DSCAM: variants seen among roughly 807,000 people sequenced by gnomAD.
DSCAM encodes the protein cell adhesion molecule DSCAM.
DSCAM carries 47 observed loss-of-function variants against 217.7 expected under a neutral mutation model. That is an observed-to-expected ratio of 0.22 (90% CI 0.17 to 0.28). The LOEUF is 0.28. Among genes scored for constraint, DSCAM ranks in the 10% least tolerant of loss-of-function variants. DSCAM has a pLI of 1.00. For missense variants in DSCAM, 2,080 were observed against 2,618.3 expected (o/e 0.79, Z 4.49); for synonymous variants, 1,056 against 1,015.3 (o/e 1.04, Z -0.76).
chr21:40,687,320 AT>A (rs2090490301), intron 3 of DSCAM, among the ~76,000 whole-genome samples: 1 of 152,138 alleles, frequency 6.6e-6, no homozygotes, highest in African/African-American at 2.4e-5. Context: ...ATTTCACATT[AT>A]TTTAATGTTT....
chr21:40,298,084 C>CTTTTT (rs59908038), intron 9 of DSCAM, among the ~76,000 whole-genome samples: 10,707 of 132,384 alleles, frequency 0.081, 771 homozygotes, highest in East Asian at 0.32. Flanking sequence ...TTAGCTTTTA[C>CTTTTT]TTTTTTTTTT....
intron 3 of DSCAM, among the ~76,000 whole-genome samples, chr21:40,372,673 T>G (rs533550516): frequency 6.6e-6 from 1 of 152,352 alleles, no homozygotes; most frequent in South Asian, 2.1e-4. Context: ...TGCTTCCTCC[T>G]TTACTATCCA....
chr21:40,107,024 G>A (rs540571865), intron 20 of DSCAM, among the ~76,000 whole-genome samples: 3 of 151,786 alleles, frequency 2.0e-5, no homozygotes, highest in African/African-American at 7.2e-5. Flanking sequence ...TTTGGGATTT[G>A]TTTGTTCTTG....
At position 40,671,969 on chromosome 21, in the gene DSCAM, TC is replaced by T. The variant is rs577721026; in HGVS notation, c.508+20840del. Among the ~76,000 whole-genome samples, 5 of 152,210 alleles carry T rather than the reference TC, an allele frequency of 3.3e-5. No individual in the cohort carries two copies. The East Asian group carries it at 9.7e-4, about 29-fold the overall frequency. On this transcript the variant is annotated intron_variant, in intron 3 of 32. Transcript: ENST00000400454. Reference sequence around the variant, plus strand: ...ATTTTCACAGTTCTGGAGGCCAGAGTCCGAAATCAAGTTTCCAGCCACTGTG... The same window carrying T: ...ATTTTCACAGTTCTGGAGGCCAGAGTCGAAATCAAGTTTCCAGCCACTGTG...
intron 3 of DSCAM, among the ~76,000 whole-genome samples, chr21:40,669,818 G>A (rs931448040): frequency 1.3e-5 from 2 of 151,922 alleles, no homozygotes; most frequent in South Asian, 2.1e-4. Context: ...TAATCTGCCC[G>A]CCTAGGCCTC....
intron 3 of DSCAM, among the ~76,000 whole-genome samples, chr21:40,690,138 A>C (rs2146445169): frequency 6.6e-6 from 1 of 152,322 alleles, no homozygotes; most frequent in South Asian, 2.1e-4. Flanking sequence ...TTTATTTATT[A>C]AGATCTCCAA....
Position 40,562,195 on chromosome 21 carries a change from G to T in DSCAM, c.508+130615C>A, listed in dbSNP as rs2076725623. ...CAGGTGTTGAGGGATAGAGCTGGTG[G>T]GAGGTGACTGGATCAATGCAGTAGT... On this transcript the variant is annotated intron_variant, in intron 3 of 32. Coordinates refer to ENST00000400454, the MANE Select transcript of DSCAM (RefSeq NM_001389.5). Among the ~76,000 whole-genome samples, 7 of 152,112 alleles carry T rather than the reference G, an allele frequency of 4.6e-5. No homozygotes were observed. In the South Asian group the frequency reaches 1.5e-3, roughly 32 times the overall value.
intron 20 of DSCAM, among the ~76,000 whole-genome samples, chr21:40,099,697 C>T (rs1303110651): frequency 6.6e-6 from 1 of 152,202 alleles, no homozygotes; most frequent in African/African-American, 2.4e-5. Context: ...CTAAAGATGC[C>T]AGTGCCTTCT....
At chr21:40,659,195 T>C (rs560869558) in intron 3 of DSCAM, among the ~76,000 whole-genome samples, 5 of 152,326 alleles carry the variant, frequency 3.3e-5, no homozygotes, top group South Asian at 4.1e-4. Context: ...AATTAAACTC[T>C]GGGAAGGCTA....
At chr21:40,378,604 T>G (rs1162118266) in intron 3 of DSCAM, among the ~76,000 whole-genome samples, 25 of 62,434 alleles carry the variant, frequency 4.0e-4, no homozygotes, top group Admixed American at 8.5e-4. Context: ...TTTTTTTTTT[T>G]TTTTTGAGAC....
intron 27 of DSCAM, among the ~76,000 whole-genome samples, chr21:40,065,257 C>T (rs146770881): frequency 3.4e-4 from 51 of 152,014 alleles, no homozygotes; most frequent in African/African-American, 1.2e-3. Flanking sequence ...GTTTCAATAT[C>T]GGGGGACATT....
Position 40,831,294 on chromosome 21 carries a change from G to A in DSCAM, c.43+15325C>T, listed in dbSNP as rs73903027. On this transcript the variant is annotated intron_variant, in intron 1 of 32. Coordinates refer to ENST00000400454, the MANE Select transcript of DSCAM (RefSeq NM_001389.5). ...AGAGTAATAAGAATATCACCATAGCGTGGCACAGGTATGCACACACACACA... is the reference window on the plus strand; with the variant it reads ...AGAGTAATAAGAATATCACCATAGCATGGCACAGGTATGCACACACACACA... Among the ~76,000 whole-genome samples, 854 of 118,374 alleles carry A rather than the reference G, an allele frequency of 7.2e-3. 13 individuals carry two copies. Among genetic ancestry groups the A allele is most frequent in the African/African-American group, 0.025 (812 of 31,980 alleles). The allele number at this position is 118,374 out of a possible 152,430, so 77.7% of individuals were successfully genotyped here. A position where few individuals can be genotyped will look rare whatever the true frequency, so the allele number is the denominator to read the frequency against.
chr21:40,271,509 G>A (rs1299073887), intron 11 of DSCAM, among the ~76,000 whole-genome samples: 1 of 152,190 alleles, frequency 6.6e-6, no homozygotes. Flanking sequence ...GGGCATCTGA[G>A]ACAAACCTTA....
At position 40,050,509 on chromosome 21, in the gene DSCAM, G is replaced by A. The variant is rs189748083; in HGVS notation, c.5185+1449C>T. 8.2e-3 allele frequency among the ~76,000 whole-genome samples: 1,236 copies of A among 150,758 alleles called. 16 individuals carry two copies. The highest frequency in any genetic ancestry group is 0.028 in the African/African-American group (1,142 of 40,834). On this transcript the variant is annotated intron_variant, in intron 30 of 32. Coordinates refer to ENST00000400454, the MANE Select transcript of DSCAM (RefSeq NM_001389.5). The stretch of plus-strand genomic sequence containing the variant: ...AATCTTTTTTTTTTTTGGAGACAGA[G>A]TCTCGCTCTGTCGTCCAGGCTGGAG...
In DSCAM at chr21:40,493,306, A is replaced by G. The variant is rs184461182; in HGVS notation, c.509-124061T>C. Among the ~76,000 whole-genome samples, 137 of 152,348 alleles carry G rather than the reference A, an allele frequency of 9.0e-4. No homozygotes were observed. The East Asian group carries it at 0.024, about 27-fold the overall frequency. On this transcript the variant is annotated intron_variant, in intron 3 of 32. Coordinates refer to ENST00000400454, the MANE Select transcript of DSCAM (RefSeq NM_001389.5). ...AAAGCTGAAGTAGTTCATCACCAGC[A>G]GACCCCTTTTACAAGAAACACTAAA...
chr21:40,615,291 A>AAAAG, intron 3 of DSCAM: 1 of 151,504 alleles, frequency 6.6e-6, no homozygotes, highest in East Asian at 1.9e-4. Flanking sequence ...CAAAAAAAAA[A>AAAAG]AAAAAAAAGA....
At chr21:40,167,367 C>T (rs2090608328) in intron 15 of DSCAM, 79 bp from the exon 16 acceptor site, 1 of 1,283,334 alleles carries the variant, frequency 7.8e-7, no homozygotes, top group Non-Finnish European at 1.1e-6. Flanking sequence ...AAAGGTGGTC[C>T]CCGAGGACAA....
At chr21:40,217,938 T>C (rs1198205278) in intron 11 of DSCAM, among the ~76,000 whole-genome samples, 1 of 152,190 alleles carries the variant, frequency 6.6e-6, no homozygotes, top group Non-Finnish European at 1.5e-5. Context: ...AAATATTTTC[T>C]CCCATTCTGT....
chr21:40,715,953 C>T (rs2090837350), intron 1 of DSCAM, among the ~76,000 whole-genome samples: 1 of 152,114 alleles, frequency 6.6e-6, no homozygotes, highest in Non-Finnish European at 1.5e-5. Context: ...ATACAAGAAA[C>T]ATTGCTTAAT....
Sources: gnomAD v4.1 joint callset for allele counts (sites outside exome capture counted in the v4.1 genomes callset) on GRCh38, gnomAD v4.1.1 for gene constraint, MANE v1.5 for transcripts, NCBI Gene and HGNC (gene_info 2026-07-23, HGNC 2026-07-21) for gene names.